The following DCDC2C variants were observed in gnomAD, a reference collection of about 807,000 sequenced individuals.
DCDC2C encodes doublecortin domain-containing protein 2C.
In DCDC2C, 44 loss-of-function variants were observed where a neutral mutation model predicts 45.0. That is an observed-to-expected ratio of 0.98 (90% CI 0.77 to 1.26). DCDC2C has a LOEUF of 1.26. DCDC2C is among the 50% of genes most tolerant of loss of function. The pLI, the probability that DCDC2C is intolerant of heterozygous loss-of-function variation, is 0.00. For missense variants in DCDC2C, 447 were observed against 468.9 expected, an observed-to-expected ratio of 0.95 and a Z score of 0.43; for synonymous variants, 187 against 178.8, an observed-to-expected ratio of 1.05 and a Z score of -0.37.
chr2:3,757,666 G>A (rs994415455), intron 6 of DCDC2C, among the ~76,000 whole-genome samples: 2 of 152,210 alleles, frequency 1.3e-5, no homozygotes, highest in South Asian at 4.1e-4. Flanking sequence ...ACAAAGATGA[G>A]TGGAGTGTAA....
rs541905383 is a variant in DCDC2C at position 3,799,237 on chromosome 2, C to G, written c.1065+14137C>G. Among the ~76,000 whole-genome samples the G allele has an allele frequency of 1.2e-3, 177 of 152,278 alleles. 1 individual carries two copies. In the Middle Eastern group the frequency reaches 0.014, roughly 12 times the overall value. ...TCAGCTCCATCAGCTCCTTTAAGCA[C>G]TTCTCTGTATTGGTTATTCTAGTTA... On this transcript the variant is annotated intron_variant, in intron 10 of 10. Transcript: ENST00000399143.
intron 3 of DCDC2C, among the ~76,000 whole-genome samples, chr2:3,737,742 C>CT (rs1454882167): frequency 1.3e-5 from 2 of 152,172 alleles, no homozygotes; most frequent in Non-Finnish European, 2.9e-5. Flanking sequence ...CTAAAGTGTT[C>CT]ATGGCTAGTG....
At chr2:3,740,880 AGAC>A (rs1669184454) in intron 3 of DCDC2C, among the ~76,000 whole-genome samples, 1 of 152,194 alleles carries the variant, frequency 6.6e-6, no homozygotes, top group African/African-American at 2.4e-5. Flanking sequence ...TTAAGGAAGA[AGAC>A]AAAAAATGGC....
Position 3,847,721 on chromosome 2 carries a change from C to T in DCDC2C, c.*538C>T, listed in dbSNP as rs1672367118. On this transcript the variant is annotated 3_prime_UTR_variant, in exon 11 of 11. Transcript: ENST00000399143. ...CTCAAATCTCATGTCGAATTGTAAT[C>T]CCCATGTGTTGGAGGAGGGGGCCGG... 6.6e-6 allele frequency among the ~76,000 whole-genome samples: 1 copy of T among 152,166 alleles called. No homozygotes were observed. The highest frequency in any genetic ancestry group is 2.4e-5 in the African/African-American group (1 of 41,424).
intron 2 of DCDC2C, among the ~76,000 whole-genome samples, chr2:3,719,435 G>A (rs1668434594): frequency 6.6e-6 from 1 of 152,196 alleles, no homozygotes. Context: ...CAAGCCTCTG[G>A]CTGTCCACAT....
chr2:3,745,110 GGA>G (rs1458558974), intron 4 of DCDC2C, among the ~76,000 whole-genome samples: 50 of 152,044 alleles, frequency 3.3e-4, no homozygotes, highest in African/African-American at 1.2e-3. Flanking sequence ...CTCAGCCTCT[GGA>G]GTACCTAGGA....
intron 10 of DCDC2C, among the ~76,000 whole-genome samples, chr2:3,835,501 C>A (rs182689614): frequency 1.3e-5 from 2 of 152,224 alleles, no homozygotes; most frequent in South Asian, 4.2e-4. Flanking sequence ...CAGATGGGAG[C>A]GTGACTCTCA....
intron 9 of DCDC2C, among the ~76,000 whole-genome samples, chr2:3,779,921 T>A (rs1670465364): frequency 6.6e-6 from 1 of 152,086 alleles, no homozygotes; most frequent in African/African-American, 2.4e-5. Flanking sequence ...CGGGTGTTTG[T>A]TGGAAGGGAT....
At chr2:3,836,865 A>AAT (rs1480607973) in intron 10 of DCDC2C, among the ~76,000 whole-genome samples, 1 of 151,782 alleles carries the variant, frequency 6.6e-6, no homozygotes, top group Non-Finnish European at 1.5e-5. Context: ...CCGTCTCAAA[A>AAT]AAAAAAAAAA....
intron 10 of DCDC2C, among the ~76,000 whole-genome samples, chr2:3,793,571 G>C (rs1670880289): frequency 6.6e-6 from 1 of 152,196 alleles, no homozygotes; most frequent in Non-Finnish European, 1.5e-5. Flanking sequence ...TTCCTCTCCA[G>C]TGCTTTTGTA....
At chr2:3,753,145 C>T (rs925359541) in intron 5 of DCDC2C, among the ~76,000 whole-genome samples, 1 of 152,154 alleles carries the variant, frequency 6.6e-6, no homozygotes, top group Non-Finnish European at 1.5e-5. Flanking sequence ...TCTGGGATAC[C>T]AGGAGTCTTA....
At chr2:3,777,511 CT>C (rs1670377175) in intron 8 of DCDC2C, among the ~76,000 whole-genome samples, 1 of 152,184 alleles carries the variant, frequency 6.6e-6, no homozygotes, top group South Asian at 2.1e-4. Flanking sequence ...ATCACATCGA[CT>C]ATTCTTTAAA....
chr2:3,725,362 A>G (rs1470919), intron 2 of DCDC2C, among the ~76,000 whole-genome samples: 59,662 of 122,118 alleles, frequency 0.49, 14,826 homozygotes, highest in African/African-American at 0.56. Context: ...CTGGCTGGGG[A>G]CCAGGGTGGC....
At chr2:3,793,588 G>A (rs925887640) in intron 10 of DCDC2C, among the ~76,000 whole-genome samples, 2 of 152,234 alleles carry the variant, frequency 1.3e-5, no homozygotes, top group African/African-American at 4.8e-5. Context: ...TGTATGAATG[G>A]AGGGGAAATG....
chr2:3,711,765 G>A (rs892111071), intron 2 of DCDC2C, among the ~76,000 whole-genome samples: 1 of 152,206 alleles, frequency 6.6e-6, no homozygotes, highest in African/African-American at 2.4e-5. Flanking sequence ...TCACATTAAT[G>A]ATTGCTTATA....
chr2:3,705,623 A>G (rs1031575924), intron 1 of DCDC2C, among the ~76,000 whole-genome samples: 1 of 152,218 alleles, frequency 6.6e-6, no homozygotes, highest in African/African-American at 2.4e-5. Context: ...GAAACGTATC[A>G]AGCACCTGCC....
Position 3,732,378 on chromosome 2 carries a change from A to G in DCDC2C, c.416+5299A>G, listed in dbSNP as rs188482757. ...AGGCTGTCAATGGAACTGTGGTTTG[A>G]GATCTCTGGTTGGAGTGCTTTCCAG... On this transcript the variant is annotated intron_variant, in intron 3 of 10. Coordinates refer to ENST00000399143, the MANE Select transcript of DCDC2C (RefSeq NM_001287444.2). 2.3e-3 allele frequency among the ~76,000 whole-genome samples: 347 copies of G among 152,146 alleles called. 1 individual carries two copies. The highest frequency in any genetic ancestry group is 3.7e-3 in the Non-Finnish European group (251 of 68,006).
intron 10 of DCDC2C, among the ~76,000 whole-genome samples, chr2:3,832,088 T>G (rs937409996): frequency 6.6e-6 from 1 of 152,190 alleles, no homozygotes; most frequent in Admixed American, 6.5e-5. Context: ...ACACCTGATT[T>G]CGATTGTGCA....
chr2:3,705,161 G>A (rs1003746277), intron 1 of DCDC2C, among the ~76,000 whole-genome samples: 3 of 152,146 alleles, frequency 2.0e-5, no homozygotes, highest in African/African-American at 7.2e-5. Flanking sequence ...AAAAGTAGTA[G>A]GATTTAGTAT....
Sources: allele counts gnomAD v4.1 joint callset (sites outside exome capture counted in the v4.1 genomes callset), GRCh38; gene constraint gnomAD v4.1.1; transcripts MANE v1.5; gene names NCBI Gene and HGNC (gene_info 2026-07-23, HGNC 2026-07-21).